SERAC1: variants seen among roughly 807,000 people sequenced by gnomAD.
SERAC1 encodes protein SERAC1.
A neutral mutation model predicts 85.7 loss-of-function variants in SERAC1; 36 were observed. The ratio of observed to expected loss-of-function variants is 0.42; its 90% CI spans 0.32 to 0.55. The LOEUF is 0.55. SERAC1 is among the 20% of genes least tolerant of loss of function. The probability of loss-of-function intolerance (pLI) is 0.11; values close to 1 mark genes in which losing one functional copy is unlikely to be tolerated. For synonymous variants in SERAC1, 242 were observed against 265.3 expected (o/e 0.91, Z 0.85); for missense variants, 629 against 796.2 (o/e 0.79, Z 2.53).
intron 5 of SERAC1, 50 bp downstream of exon 5, chr6:158,148,815 T>C (rs778022441): frequency 3.9e-6 from 5 of 1,289,658 alleles, no homozygotes; most frequent in East Asian, 2.4e-5. Context: ...ATCATTCCAA[T>C]GACTTTCAGA....
At chr6:158,122,704 C>T (rs1197116992) in intron 10 of SERAC1, among the ~76,000 whole-genome samples, 2 of 152,116 alleles carry the variant, frequency 1.3e-5, no homozygotes, top group African/African-American at 4.8e-5. Context: ...CACTTGAACC[C>T]GGGAGGTGGA....
rs367596327 is a variant in SERAC1, at chr6:158,116,285, G to C, written c.1404-3C>G. On this transcript the variant is annotated splice_polypyrimidine_tract_variant and splice_region_variant and intron_variant, in intron 13 of 16. Coordinates refer to ENST00000647468, the MANE Select transcript of SERAC1 (RefSeq NM_032861.4). ...TGCTTCTGAATGCAATGGACTTTCT[G>C]AACAAAACAAAAACAGCAGGCATGA... 8.0e-5 allele frequency: 129 copies of C among 1,613,090 alleles called. No individual in the cohort carries two copies. The African/African-American group carries it at 1.6e-3, about 20-fold the overall frequency.
At chr6:158,145,522 C>CTTTTTTTT in intron 6 of SERAC1, among the ~76,000 whole-genome samples, 1 of 129,206 alleles carries the variant, frequency 7.7e-6, no homozygotes. Context: ...GAGAATTTTT[C>CTTTTTTTT]TTTTTTTTTT....
In SERAC1 at chr6:158,129,701, GTT is replaced by G. The variant is rs34835862; in HGVS notation, c.852+670_852+671del. ...ATATTTCCTTGTTTTTTTTTGTTTTGTTTTTTTTTTTTTGAGATGGAGTCTTG... is the reference window on the plus strand; with the variant it reads ...ATATTTCCTTGTTTTTTTTTGTTTTGTTTTTTTTTTTGAGATGGAGTCTTG... On this transcript the variant is annotated intron_variant, in intron 9 of 16. Transcript: ENST00000647468. Among the ~76,000 whole-genome samples, 635 of 137,942 alleles carry G rather than the reference GTT, an allele frequency of 4.6e-3. 7 individuals are homozygous for G. Among genetic ancestry groups the G allele is most frequent in the African/African-American group, 0.016 (596 of 37,050 alleles). 90.5% of individuals were successfully genotyped at this position (137,942 alleles called of 152,430 possible).
chr6:158,140,916 T>C (rs1305165081), intron 8 of SERAC1, among the ~76,000 whole-genome samples: 1 of 152,224 alleles, frequency 6.6e-6, no homozygotes, highest in Non-Finnish European at 1.5e-5. Flanking sequence ...TTTCCTATCT[T>C]GTACAGTACA....
At chr6:158,164,199 G>A (rs1285990103) in intron 1 of SERAC1, among the ~76,000 whole-genome samples, 1 of 151,928 alleles carries the variant, frequency 6.6e-6, no homozygotes, top group East Asian at 1.9e-4. Context: ...TATGGGGCCA[G>A]GCACGGTGGC....
chr6:158,130,573 G>A (rs1191028366), intron 8 of SERAC1, 87 bp from the exon 9 acceptor site: 25 of 759,478 alleles, frequency 3.3e-5, no homozygotes, highest in Non-Finnish European at 5.1e-5. Flanking sequence ...TGTACTAATA[G>A]ATGGTGTTAG....
intron 8 of SERAC1, among the ~76,000 whole-genome samples, chr6:158,130,738 A>G (rs1198212086): frequency 6.6e-6 from 1 of 152,194 alleles, no homozygotes; most frequent in Non-Finnish European, 1.5e-5. Flanking sequence ...TTTTGTATGA[A>G]AGTGTGAAGA....
intron 8 of SERAC1, among the ~76,000 whole-genome samples, chr6:158,131,445 A>G (rs1784672735): frequency 7.0e-6 from 1 of 142,928 alleles, no homozygotes; most frequent in South Asian, 2.2e-4. Context: ...ATATTTCTAA[A>G]TATAATTCAT....
Position 158,117,930 on chromosome 6 carries a change from T to A in SERAC1, c.1309-109A>T. ...AGGCCTCTTGCACTATAATTAAAGA[T>A]AGCACTGGAATAAGGTTTGAAGGTA... On this transcript the variant is annotated intron_variant, in intron 12 of 16. Transcript: ENST00000647468. The surrounding 1 kb of genome is among the most constrained non-coding windows in gnomAD (Gnocchi z 4.3). The A allele has an allele frequency of 1.2e-6, 1 of 803,348 alleles. No homozygotes were observed. Among genetic ancestry groups the A allele is most frequent in the South Asian group, 1.7e-5 (1 of 58,996 alleles). 49.8% of individuals were successfully genotyped at this position (803,348 alleles called of 1,614,324 possible). A position where few individuals can be genotyped will look rare whatever the true frequency, so the allele number is the denominator to read the frequency against.
intron 10 of SERAC1, among the ~76,000 whole-genome samples, chr6:158,123,619 C>T (rs182264187): frequency 2.9e-4 from 44 of 152,286 alleles, no homozygotes; most frequent in African/African-American, 1.0e-3. Context: ...AATTTGTGAT[C>T]TCATAAGCAT....
chr6:158,135,814 G>C (rs1024832909), intron 8 of SERAC1, among the ~76,000 whole-genome samples: 1 of 151,988 alleles, frequency 6.6e-6, no homozygotes, highest in Non-Finnish European at 1.5e-5. Context: ...AGTAATTGGT[G>C]AATCTTTTTT....
chr6:158,131,268 C>A (rs1583576419), intron 8 of SERAC1, among the ~76,000 whole-genome samples: 3 of 147,278 alleles, frequency 2.0e-5, no homozygotes, highest in East Asian at 3.9e-4. Flanking sequence ...AAATACAATG[C>A]CTCTAAAATA....
At chr6:158,115,009 A>AT in intron 14 of SERAC1, 38 bp from the exon 15 acceptor site, 1 of 1,572,544 alleles carries the variant, frequency 6.4e-7, no homozygotes, top group Admixed American at 1.9e-5. Context: ...TGCATAAGCT[A>AT]TTTTCCTTCC....
Position 158,159,185 on chromosome 6 carries a change from A to G in SERAC1, c.-1-821T>C, listed in dbSNP as rs544884073. On this transcript the variant is annotated intron_variant, in intron 1 of 16. Transcript: ENST00000647468. Reference sequence around the variant, plus strand: ...TCCTGTCCTTTTCCTAACTTCTTCAATAATGCCTAAGATGAGCATTTCTTG... The same window carrying G: ...TCCTGTCCTTTTCCTAACTTCTTCAGTAATGCCTAAGATGAGCATTTCTTG... 4 of 152,114 alleles carry G rather than the reference A, an allele frequency of 2.6e-5. No individual in the cohort carries two copies. In the East Asian group the frequency reaches 7.7e-4, roughly 29 times the overall value. 9.4% of individuals were successfully genotyped at this position (152,114 alleles called of 1,614,324 possible). A position where few individuals can be genotyped will look rare whatever the true frequency, so the allele number is the denominator to read the frequency against.
In SERAC1 at chr6:158,119,298, GC is replaced by G; in HGVS notation, c.1167-129del. 1 of 1,116,300 alleles carries G rather than the reference GC, an allele frequency of 9.0e-7. No homozygotes were observed. The highest frequency in any genetic ancestry group is 1.2e-6 in the Non-Finnish European group (1 of 812,936). The allele number at this position is 1,116,300 out of a possible 1,614,324, so 69.1% of individuals were successfully genotyped here. On this transcript the variant is annotated intron_variant, in intron 11 of 16. Transcript: ENST00000647468. The surrounding 1 kb of genome is among the most constrained non-coding windows in gnomAD (Gnocchi z 4.5). ...GTGACATAAAACTGAATTAAAGCAA[GC>G]TCTATAAGCACAGGTTTGCTGGGAA...
intron 9 of SERAC1, among the ~76,000 whole-genome samples, chr6:158,129,487 CAAGT>C (rs1006044920): frequency 2.0e-5 from 3 of 152,188 alleles, no homozygotes; most frequent in Non-Finnish European, 2.9e-5. Context: ...AAACTTGATA[CAAGT>C]GAGTGGAAAA....
chr6:158,133,798 C>T (rs572124575), intron 8 of SERAC1, among the ~76,000 whole-genome samples: 3 of 152,076 alleles, frequency 2.0e-5, no homozygotes, highest in African/African-American at 7.2e-5. Context: ...AACAAGGGTC[C>T]TTAGGGGTAT....
chr6:158,141,647 A>T (rs1784918085), intron 8 of SERAC1, among the ~76,000 whole-genome samples: 3 of 152,200 alleles, frequency 2.0e-5, no homozygotes, highest in Admixed American at 6.5e-5. Context: ...TCCTTGGAGA[A>T]GCGGCCAAAT....
Sources: gnomAD v4.1 joint callset for allele counts (sites outside exome capture counted in the v4.1 genomes callset) on GRCh38, gnomAD v4.1.1 for gene constraint, Gnocchi (gnomAD v3.1) non-coding constraint, MANE v1.5 for transcripts, NCBI Gene and HGNC (gene_info 2026-07-23, HGNC 2026-07-21) for gene names.